PDE1C: variants seen among roughly 807,000 people sequenced by gnomAD.
PDE1C encodes dual specificity calcium/calmodulin-dependent 3',5'-cyclic nucleotide phosphodiesterase 1C.
Under a neutral mutation model 93.1 loss-of-function variants are expected in PDE1C, and 62 were observed. The observed-to-expected ratio is 0.67, with a 90% CI of 0.54 to 0.82. The LOEUF (loss-of-function observed/expected upper bound fraction) is 0.82. Among genes scored for constraint, PDE1C ranks in the 40% least tolerant of loss-of-function variants. The pLI is 0.00. For missense variants in PDE1C, 742 were observed against 884.6 expected (o/e 0.84, Z 2.04); for synonymous variants, 325 against 310.1 (o/e 1.05, Z -0.50).
chr7:31,708,137 A>T, the PDE1C span: 1 of 152,158 alleles, frequency 6.6e-6, no homozygotes, highest in Non-Finnish European at 1.5e-5. Context: ...AGACTCTATT[A>T]CACTTTCTTG....
chr7:32,098,579 C>G (rs1797891290), intron 3 of PDE1C, among the ~76,000 whole-genome samples: 1 of 152,194 alleles, frequency 6.6e-6, no homozygotes, highest in Non-Finnish European at 1.5e-5. Flanking sequence ...ACACACAGGA[C>G]ATCTGGACTG....
chr7:32,385,533 G>C (rs188223415), intron 1 of PDE1C, among the ~76,000 whole-genome samples: 3 of 152,254 alleles, frequency 2.0e-5, no homozygotes, highest in Admixed American at 6.5e-5. Flanking sequence ...ATTGGGACCT[G>C]CTGGGGAGAA....
At chr7:32,390,677 T>C (rs1287389989) in intron 1 of PDE1C, among the ~76,000 whole-genome samples, 1 of 152,044 alleles carries the variant, frequency 6.6e-6, no homozygotes, top group Non-Finnish European at 1.5e-5. Flanking sequence ...CAAAACTTCC[T>C]TTCTACAACA....
chr7:32,169,743 A>G (rs753959143), intron 3 of PDE1C: 76 of 1,577,076 alleles, frequency 4.8e-5, no homozygotes, highest in Non-Finnish European at 6.6e-5. Context: ...ACAACTCCAC[A>G]AGCAAATAAG....
At chr7:31,665,147 G>C in the PDE1C span, among the ~76,000 whole-genome samples, 7 of 152,068 alleles carry the variant, frequency 4.6e-5, no homozygotes, top group African/African-American at 1.7e-4. Flanking sequence ...ATGCATTAAA[G>C]CTCATTCTCC....
In PDE1C at chr7:32,258,205, G is replaced by A. The variant is rs1809945724; in HGVS notation, c.85+40446C>T. ...TTTAGGCTCTGCTGCCCACAAGCTGGGGACCATGGGTAAGTTCCCTAACCT... is the reference window on the plus strand; with the variant it reads ...TTTAGGCTCTGCTGCCCACAAGCTGAGGACCATGGGTAAGTTCCCTAACCT... On this transcript the variant is annotated intron_variant, in intron 1 of 18. Transcript: ENST00000396193. Among the ~76,000 whole-genome samples the A allele has an allele frequency of 2.6e-5, 4 of 152,264 alleles. No homozygotes were observed. In the South Asian group the frequency reaches 8.3e-4, roughly 32 times the overall value.
In PDE1C at chr7:31,928,479, C is replaced by G. The variant is rs189380732; in HGVS notation, c.129-47619G>C. Among the ~76,000 whole-genome samples the G allele has an allele frequency of 2.7e-3, 380 of 143,114 alleles. 3 individuals are homozygous for G. The highest frequency in any genetic ancestry group is 0.011 in the African/African-American group (355 of 32,942). The allele number at this position is 143,114 out of a possible 152,430, so 93.9% of individuals were successfully genotyped here. Reference sequence around the variant, plus strand: ...GAAGAGTAACCCCAAGAAACATAACCATCAGATTCTCCAAGGTTGAAACAA... The same window carrying G: ...GAAGAGTAACCCCAAGAAACATAACGATCAGATTCTCCAAGGTTGAAACAA... On this transcript the variant is annotated intron_variant, in intron 2 of 17. Transcript: ENST00000396191.
At chr7:32,424,222 C>T (rs1785486790) in intron 1 of PDE1C, among the ~76,000 whole-genome samples, 1 of 152,202 alleles carries the variant, frequency 6.6e-6, no homozygotes. Flanking sequence ...ATCTTCACAA[C>T]ATGATGACAG....
intron 2 of PDE1C, among the ~76,000 whole-genome samples, chr7:31,923,124 G>A (rs574331246): frequency 2.0e-5 from 3 of 152,262 alleles, no homozygotes; most frequent in African/African-American, 7.2e-5. Flanking sequence ...CTGCAGGGAG[G>A]CCTCTAACCA....
intron 1 of PDE1C, among the ~76,000 whole-genome samples, chr7:32,396,361 C>T (rs1442633491): frequency 2.0e-5 from 3 of 151,958 alleles, no homozygotes; most frequent in Admixed American, 6.6e-5. Flanking sequence ...GCCTGTAGTC[C>T]CAGCTACTAG....
At chr7:32,030,076 ATAAC>A (rs1790099595) in intron 2 of PDE1C, among the ~76,000 whole-genome samples, 1 of 125,014 alleles carries the variant, frequency 8.0e-6, no homozygotes, top group Non-Finnish European at 1.7e-5. Flanking sequence ...AATGCATATT[ATAAC>A]ACACACACAC....
the PDE1C span, among the ~76,000 whole-genome samples, chr7:31,623,035 C>A: frequency 3.9e-5 from 6 of 152,078 alleles, no homozygotes; most frequent in Non-Finnish European, 8.8e-5. Context: ...ACACATACAC[C>A]CTCCCAAGAC....
the PDE1C span, chr7:31,687,106 C>T: frequency 6.6e-6 from 1 of 152,266 alleles, no homozygotes; most frequent in African/African-American, 2.4e-5. Context: ...AGATGTTAGT[C>T]CTCTTTCCTT....
At chr7:32,377,946 T>A (rs1178122889) in intron 1 of PDE1C, among the ~76,000 whole-genome samples, 1 of 151,932 alleles carries the variant, frequency 6.6e-6, no homozygotes, top group African/African-American at 2.4e-5. Context: ...TGCACAAGAG[T>A]CCACAAAGAA....
chr7:31,931,770 C>T (rs13102454), intron 2 of PDE1C, among the ~76,000 whole-genome samples: 1 of 152,170 alleles, frequency 6.6e-6, no homozygotes, highest in African/African-American at 2.4e-5. Context: ...AAAGAGAGCC[C>T]ATATAGCCAA....
intron 1 of PDE1C, among the ~76,000 whole-genome samples, chr7:32,368,087 G>A (rs941230458): frequency 6.6e-6 from 1 of 152,012 alleles, no homozygotes; most frequent in Non-Finnish European, 1.5e-5. Flanking sequence ...CAAGACAAGG[G>A]TGCCCATGCT....
the PDE1C span, among the ~76,000 whole-genome samples, chr7:31,743,666 G>T: frequency 6.6e-6 from 1 of 151,984 alleles, no homozygotes; most frequent in African/African-American, 2.4e-5. Flanking sequence ...GGGAAGCAGG[G>T]TTTTCTACTT....
intron 1 of PDE1C, among the ~76,000 whole-genome samples, chr7:32,222,232 A>T (rs577632667): frequency 9.2e-5 from 14 of 152,316 alleles, no homozygotes; most frequent in Non-Finnish European, 1.9e-4. Context: ...AAATCATCGC[A>T]TCGTTACCAA....
At chr7:31,806,827 T>C (rs987552937) in intron 16 of PDE1C, among the ~76,000 whole-genome samples, 1 of 151,910 alleles carries the variant, frequency 6.6e-6, no homozygotes, top group Non-Finnish European at 1.5e-5. Context: ...AATTGTTAAA[T>C]TGACTCCCAC....
Sources: allele counts gnomAD v4.1 joint callset (sites outside exome capture counted in the v4.1 genomes callset), GRCh38; gene constraint gnomAD v4.1.1; transcripts MANE v1.5; gene names NCBI Gene and HGNC (gene_info 2026-07-23, HGNC 2026-07-21).